Variants in AOX1 observed in about 807,000 individuals in gnomAD.
AOX1 encodes aldehyde oxidase 1, also known as aldehyde oxidase.
A neutral mutation model predicts 169.5 loss-of-function variants in AOX1; 153 were observed. The observed-to-expected ratio is 0.90, with a 90% confidence interval of 0.79 to 1.03. AOX1 has a LOEUF of 1.03. Among genes scored for constraint, AOX1 ranks in the 50% least tolerant of loss-of-function variants. The probability of loss-of-function intolerance (pLI) is 0.00; values close to 1 mark genes in which losing one functional copy is unlikely to be tolerated. For missense variants in AOX1, 1,656 were observed against 1,663.9 expected, an observed-to-expected ratio of 1.00 and a Z score of 0.08; for synonymous variants, 562 against 581.9, an observed-to-expected ratio of 0.97 and a Z score of 0.49.
At chr2:200,594,406 A>G (rs373897521) in intron 2 of AOX1, among the ~76,000 whole-genome samples, 1 of 152,192 alleles carries the variant, frequency 6.6e-6, no homozygotes, top group Non-Finnish European at 1.5e-5. Flanking sequence ...GCATGTTTGC[A>G]TGGCTATCAC....
rs370497141 is a variant in AOX1, at chr2:200,598,743, C to CAA, written c.310-865_310-864dup. ...CTGGCAACAGAGCAAGACTCTGTCTCAAAAAAAAAAAAAGCCACTTTTCCT... is the reference window on the plus strand; with the variant it reads ...CTGGCAACAGAGCAAGACTCTGTCTCAAAAAAAAAAAAAAAGCCACTTTTCCT... On this transcript the variant is annotated intron_variant, in intron 4 of 34. Transcript: ENST00000374700. 5.5e-5 allele frequency among the ~76,000 whole-genome samples: 6 copies of CAA among 108,826 alleles called. No individual in the cohort carries two copies. The South Asian group carries it at 1.3e-3, about 23-fold the overall frequency. The allele number at this position is 108,826 out of a possible 152,430, so 71.4% of individuals were successfully genotyped here. A position where few individuals can be genotyped will look rare whatever the true frequency, so the allele number is the denominator to read the frequency against.
At chr2:200,652,498 A>C (rs1346371739) in intron 26 of AOX1, among the ~76,000 whole-genome samples, 1 of 152,228 alleles carries the variant, frequency 6.6e-6, no homozygotes, top group Non-Finnish European at 1.5e-5. Context: ...GTTTGTAAGC[A>C]TTGAGTCTTG....
At chr2:200,650,213 G>A (rs1457507142) in intron 25 of AOX1, among the ~76,000 whole-genome samples, 1 of 152,188 alleles carries the variant, frequency 6.6e-6, no homozygotes, top group Non-Finnish European at 1.5e-5. Flanking sequence ...CATTCCCAGG[G>A]AAGTTAGAGC....
chr2:200,652,231 A>G (rs897711985), intron 26 of AOX1, among the ~76,000 whole-genome samples: 2 of 152,206 alleles, frequency 1.3e-5, no homozygotes, highest in African/African-American at 4.8e-5. Context: ...CTTTGGTGCC[A>G]TCCTGAGAAC....
At chr2:200,622,074 G>A (rs569014974) in intron 18 of AOX1, among the ~76,000 whole-genome samples, 1 of 152,306 alleles carries the variant, frequency 6.6e-6, no homozygotes, top group South Asian at 2.1e-4. Context: ...TTAAAAGTGA[G>A]CATCTATGAT....
At chr2:200,618,152 C>A (rs1271529610) in intron 16 of AOX1, among the ~76,000 whole-genome samples, 1 of 152,096 alleles carries the variant, frequency 6.6e-6, no homozygotes, top group African/African-American at 2.4e-5. Flanking sequence ...TGAATGGAGC[C>A]CTGGGCCAAG....
Position 200,670,515 on chromosome 2 carries a change from G to T in AOX1, c.3967-114G>T, listed in dbSNP as rs1363903458. The T allele has an allele frequency of 7.4e-6, 6 of 814,592 alleles. No homozygotes were observed. The Admixed American group carries it at 9.1e-5, about 12-fold the overall frequency. The allele number at this position is 814,592 out of a possible 1,614,324, so 50.5% of individuals were successfully genotyped here. On this transcript the variant is annotated intron_variant, in intron 34 of 34. Coordinates refer to ENST00000374700, the MANE Select transcript of AOX1 (RefSeq NM_001159.4). ...TTCACAGGCTGTTGTTCCCTGACCT[G>T]TCATGGCCCTGGTTGCCCTCTGCTG... is the stretch of plus-strand genomic sequence containing the variant.
chr2:200,637,021 C>T lies in AOX1; in HGVS notation c.2457C>T (p.Ala819=), dbSNP rs369641208. 11 of 1,613,882 alleles carry T rather than the reference C, an allele frequency of 6.8e-6. No homozygotes were observed. The Admixed American group carries it at 8.3e-5, about 12-fold the overall frequency. ...GKVLKTGIIA[A]VTAFAANKHG... ...TGTTAAAAACCGGAATCATTGCAGC[C>T]GTCACTGCATTTGCCGCAAACAAGT... The change falls in exon 22 of 35, where the codon GCC becomes GCT. Residue 819 remains alanine (A), a synonymous_variant. Transcript: ENST00000374700.
chr2:200,603,792 T>C (rs12997909), intron 7 of AOX1, among the ~76,000 whole-genome samples: 33,456 of 152,008 alleles, frequency 0.22, 3,914 homozygotes, highest in Middle Eastern at 0.3. Flanking sequence ...AAAGAGAAGG[T>C]ACAGGGAGTT....
Position 200,586,137 on chromosome 2 carries a change from A to G in AOX1, c.29A>G (p.Tyr10Cys). 1 of 1,566,298 alleles carries G rather than the reference A, an allele frequency of 6.4e-7. No homozygotes were observed. Among genetic ancestry groups the G allele is most frequent in the Non-Finnish European group, 8.6e-7 (1 of 1,156,696 alleles). MDRASELLF[Y>C]VNGRKVIEKN... is the part of the protein sequence containing the mutation. ...GACCGGGCGTCCGAGCTGCTCTTCT[A>G]CGTGAACGGCCGCAAGGTGAGCGCC... is the stretch of plus-strand genomic sequence containing the variant. Residue 10 changes from tyrosine (Y) to cysteine (C), a missense_variant, in exon 1 of 35, where the codon TAC (tyrosine) becomes TGC (cysteine). Tyr to Cys is a radical substitution (Grantham distance 194). Coordinates refer to ENST00000374700, the MANE Select transcript of AOX1 (RefSeq NM_001159.4).
At chr2:200,681,363 G>A (rs544973838), downstream of AOX1, 41 of 152,672 alleles carry the variant, frequency 2.7e-4, no homozygotes, top group South Asian at 4.2e-4. Flanking sequence ...TTGCTTTTAC[G>A]AAGGAATTGC....
chr2:200,609,987 G>GT (rs1038402225), intron 12 of AOX1, among the ~76,000 whole-genome samples: 16 of 151,186 alleles, frequency 1.1e-4, no homozygotes, highest in Non-Finnish European at 1.5e-4. Context: ...AATTTGTGGG[G>GT]TTTTTTTTCG....
chr2:200,599,866 A>C, intron 5 of AOX1, 120 bp downstream of exon 5: 1 of 716,812 alleles, frequency 1.4e-6, no homozygotes, highest in Non-Finnish European at 2.0e-6. Flanking sequence ...CCCCACTGTA[A>C]CCTCCGCCTC....
chr2:200,613,993 C>T (rs781710768), intron 15 of AOX1, 27 bp downstream of exon 15: 56 of 1,606,100 alleles, frequency 3.5e-5, no homozygotes, highest in Middle Eastern at 2.3e-4. Context: ...ACATTAACTT[C>T]CCCAGTACTG....
chr2:200,604,856 G>C lies in AOX1; in HGVS notation c.814+16G>C. ...ACCTCTGTGGGTATGTAGAACCCCA[G>C]GGATTTTTTATAGGGAAATTGAGAA... On this transcript the variant is annotated intron_variant, in intron 9 of 34. Transcript: ENST00000374700. 1 of 1,612,464 alleles carries C rather than the reference G, an allele frequency of 6.2e-7. No homozygotes were observed. Among genetic ancestry groups the C allele is most frequent in the Non-Finnish European group, 8.5e-7 (1 of 1,179,088 alleles).
rs117511269 is a variant in AOX1, at chr2:200,599,496, G to T, written c.310-124G>T. ...CCTGGGATGAGAAGGGCTCCCAGGG[G>T]CCTCTGCTGCAATCTTAACATGCAG... On this transcript the variant is annotated intron_variant, in intron 4 of 34. Coordinates refer to ENST00000374700, the MANE Select transcript of AOX1 (RefSeq NM_001159.4). 1.7e-3 allele frequency: 1,224 copies of T among 719,914 alleles called. 13 individuals are homozygous for T. The highest frequency in any genetic ancestry group is 0.015 in the East Asian group (504 of 32,776). 44.6% of individuals were successfully genotyped at this position (719,914 alleles called of 1,614,324 possible). A position where few individuals can be genotyped will look rare whatever the true frequency, so the allele number is the denominator to read the frequency against.
intron 12 of AOX1, among the ~76,000 whole-genome samples, 184 bp downstream of exon 12, chr2:200,609,598 G>A (rs761995704): frequency 2.6e-5 from 4 of 152,122 alleles, no homozygotes; most frequent in Non-Finnish European, 4.4e-5. Flanking sequence ...CTTCCCCTGT[G>A]TCTTTCTGGT....
chr2:200,657,717 G>T (rs1448958556), intron 27 of AOX1, among the ~76,000 whole-genome samples: 1 of 151,952 alleles, frequency 6.6e-6, no homozygotes, highest in African/African-American at 2.4e-5. Context: ...TTTGCTTTTG[G>T]CTGTCTTATT....
chr2:200,612,747 C>T lies in AOX1; in HGVS notation c.1402C>T (p.Pro468Ser). 2 of 1,613,884 alleles carry T rather than the reference C, an allele frequency of 1.2e-6. No individual in the cohort carries two copies. The highest frequency in any genetic ancestry group is 1.7e-6 in the Non-Finnish European group (2 of 1,179,930). Residue 468 changes from proline to serine, a missense_variant, in exon 14 of 35, where the codon CCA (proline) becomes TCA (serine). Physicochemically the swap from Pro to Ser is moderately conservative, Grantham distance 74. Transcript: ENST00000374700. Reference sequence around the variant, plus strand: ...ATGCATCTCATATGGAGGCGTTGGTCCAGCCACCATCTGTGCCAAGAATTC... The same window carrying T: ...ATGCATCTCATATGGAGGCGTTGGTTCAGCCACCATCTGTGCCAAGAATTC... The part of the protein sequence containing the change: ...ELCISYGGVG[P>S]ATICAKNSCQ...
Sources: gnomAD v4.1 joint callset for allele counts (sites outside exome capture counted in the v4.1 genomes callset) on GRCh38, gnomAD v4.1.1 for gene constraint, MANE v1.5 for transcripts, NCBI Gene and HGNC (gene_info 2026-07-23, HGNC 2026-07-21) for gene names.